SWAP70: variants seen among roughly 807,000 people sequenced by gnomAD.
SWAP70 encodes the protein switch-associated protein 70.
SWAP70 carries 34 observed loss-of-function variants against 80.2 expected under a neutral mutation model. That is an observed-to-expected ratio of 0.42 (90% CI 0.32 to 0.56). The LOEUF is 0.56. Among genes scored for constraint, SWAP70 ranks in the 20% least tolerant of loss-of-function variants. SWAP70 has a pLI of 0.09. For missense variants in SWAP70, 578 were observed against 690.7 expected (o/e 0.84, Z 1.83); for synonymous variants, 239 against 238.5 (o/e 1.00, Z -0.02).
intron 3 of SWAP70, among the ~76,000 whole-genome samples, chr11:9,714,080 C>T (rs1309725607): frequency 6.6e-6 from 1 of 152,244 alleles, no homozygotes; most frequent in East Asian, 1.9e-4. Flanking sequence ...ACTTTCCATA[C>T]CTTTCAAAGT....
At chr11:9,738,429 T>C (rs1851392838) in intron 8 of SWAP70, 109 bp downstream of exon 8, 1 of 681,264 alleles carries the variant, frequency 1.5e-6, no homozygotes. Flanking sequence ...TTGGCTTTGC[T>C]ACTGACCTGG....
chr11:9,723,593 A>G (rs1278059857), intron 3 of SWAP70, among the ~76,000 whole-genome samples: 1 of 152,102 alleles, frequency 6.6e-6, no homozygotes, highest in Non-Finnish European at 1.5e-5. Flanking sequence ...GGAAATCAAT[A>G]ATACAGCGGG....
chr11:9,672,239 T>TAATC (rs1487848715), intron 1 of SWAP70, among the ~76,000 whole-genome samples: 4 of 92,210 alleles, frequency 4.3e-5, no homozygotes, highest in Admixed American at 2.6e-4. Flanking sequence ...GATTGTAAAG[T>TAATC]AATCAGGTTG....
intron 1 of SWAP70, among the ~76,000 whole-genome samples, chr11:9,673,848 C>T (rs1054158977): frequency 1.1e-4 from 17 of 150,134 alleles, no homozygotes; most frequent in South Asian, 1.0e-3. Context: ...GGCAGAAGGT[C>T]AGAGAGAGAG....
chr11:9,732,793 C>A, intron 7 of SWAP70, 83 bp downstream of exon 7: 1 of 1,330,504 alleles, frequency 7.5e-7, no homozygotes. Flanking sequence ...GTTGGTTCTA[C>A]CAAGATGAAT....
intron 2 of SWAP70, among the ~76,000 whole-genome samples, chr11:9,709,741 G>A (rs1418772828): frequency 2.0e-5 from 3 of 151,958 alleles, no homozygotes; most frequent in African/African-American, 7.3e-5. Context: ...CACCTGCCTT[G>A]GCCTCCTAAA....
At chr11:9,671,776 T>TAA (rs376048683) in intron 1 of SWAP70, among the ~76,000 whole-genome samples, 1 of 28,584 alleles carries the variant, frequency 3.5e-5, no homozygotes, top group African/African-American at 2.4e-4. Flanking sequence ...AATATAAATA[T>TAA]AATATATTAT....
chr11:9,686,392 G>A (rs756358620), intron 1 of SWAP70, among the ~76,000 whole-genome samples: 1 of 69,054 alleles, frequency 1.4e-5, no homozygotes, highest in Non-Finnish European at 3.5e-5. Flanking sequence ...ACAGGTTCTC[G>A]CTCAGTTGCC....
chr11:9,679,288 A>C (rs1050018029), intron 1 of SWAP70, among the ~76,000 whole-genome samples: 2 of 152,184 alleles, frequency 1.3e-5, no homozygotes, highest in Admixed American at 1.3e-4. Flanking sequence ...GCCAGAAGTG[A>C]CGCTAGTTAG....
chr11:9,707,725 T>A (rs902478969), intron 2 of SWAP70, among the ~76,000 whole-genome samples: 3 of 151,942 alleles, frequency 2.0e-5, no homozygotes, highest in African/African-American at 4.8e-5. Flanking sequence ...CTGGCTAATT[T>A]TTGTATTTTT....
chr11:9,716,675 T>A (rs1190366312), intron 3 of SWAP70, among the ~76,000 whole-genome samples: 1 of 152,172 alleles, frequency 6.6e-6, no homozygotes, highest in Non-Finnish European at 1.5e-5. Flanking sequence ...TGAACAAATC[T>A]GGGACATATT....
chr11:9,667,672 C>CCCACTTCAGACTT (rs1032363765), intron 1 of SWAP70, among the ~76,000 whole-genome samples: 1 of 152,148 alleles, frequency 6.6e-6, no homozygotes, highest in Non-Finnish European at 1.5e-5. Context: ...AAGCAGTCCT[C>CCCACTTCAGACTT]CCACTTCAGA....
chr11:9,718,977 G>C (rs982388361), intron 3 of SWAP70, among the ~76,000 whole-genome samples: 1 of 150,310 alleles, frequency 6.7e-6, no homozygotes, highest in Admixed American at 6.7e-5. Flanking sequence ...GCACATGCCT[G>C]AAGTCTCAGC....
At chr11:9,734,519 A>G (rs879739868) in intron 7 of SWAP70, among the ~76,000 whole-genome samples, 2 of 152,244 alleles carry the variant, frequency 1.3e-5, no homozygotes, top group Admixed American at 1.3e-4. Flanking sequence ...GGATTCTTGG[A>G]TAAGTGCTGA....
rs1482892437 is a variant in SWAP70 at position 9,675,370 on chromosome 11, A to AGG, written c.99+11093_99+11094insGG. Among the ~76,000 whole-genome samples, 111 of 33,474 alleles carry AGG rather than the reference A, an allele frequency of 3.3e-3. 17 individuals carry two copies. The highest frequency in any genetic ancestry group is 5.6e-3 in the Non-Finnish European group (78 of 13,914). 22.0% of individuals were successfully genotyped at this position (33,474 alleles called of 152,430 possible). A position where few individuals can be genotyped will look rare whatever the true frequency, so the allele number is the denominator to read the frequency against. ...GCGAGAGAGAGAGAGAGAGAGAGAG[A>AGG]GAGAGAGAGAGAGAGAGAGAGAGAG... On this transcript the variant is annotated intron_variant, in intron 1 of 11. Transcript: ENST00000318950.
chr11:9,688,146 A>G (rs1459602592), intron 1 of SWAP70, among the ~76,000 whole-genome samples: 1 of 152,264 alleles, frequency 6.6e-6, no homozygotes, highest in African/African-American at 2.4e-5. Flanking sequence ...TGTTAATATT[A>G]AAGTATCACG....
At chr11:9,725,432 C>A (rs1851196708) in intron 4 of SWAP70, among the ~76,000 whole-genome samples, 1 of 145,312 alleles carries the variant, frequency 6.9e-6, no homozygotes, top group Non-Finnish European at 1.5e-5. Context: ...GCCTGTAATC[C>A]CAGCACTTTG....
At chr11:9,728,233 C>T in intron 5 of SWAP70, 34 bp downstream of exon 5, 2 of 1,539,450 alleles carry the variant, frequency 1.3e-6, no homozygotes, top group Non-Finnish European at 1.7e-6. Context: ...CATGATTACC[C>T]CGTGCTGCCC....
intron 2 of SWAP70, among the ~76,000 whole-genome samples, chr11:9,701,985 A>G (rs11042478): frequency 0.1 from 15,672 of 152,182 alleles, 1,577 homozygotes; most frequent in African/African-American, 0.26. Flanking sequence ...CCAAGTTCCA[A>G]TTGGGGAATC....
Sources: allele counts gnomAD v4.1 joint callset (sites outside exome capture counted in the v4.1 genomes callset), GRCh38; gene constraint gnomAD v4.1.1; transcripts MANE v1.5; gene names NCBI Gene and HGNC (gene_info 2026-07-23, HGNC 2026-07-21).